NRXN3: variants seen among roughly 807,000 people sequenced by gnomAD.
NRXN3 encodes the protein neurexin 3.
Under a neutral mutation model 137.6 loss-of-function variants are expected in NRXN3, and 32 were observed. The ratio of observed to expected loss-of-function variants is 0.23; its 90% confidence interval spans 0.18 to 0.31. The LOEUF is 0.31. NRXN3 is among the 10% of genes least tolerant of loss of function. NRXN3 has a pLI of 1.00. For missense variants in NRXN3, 1,574 were observed against 2,062.5 expected, an observed-to-expected ratio of 0.76 and a Z score of 4.59; for synonymous variants, 798 against 784.5, an observed-to-expected ratio of 1.02 and a Z score of -0.29.
At chr14:79,102,016 C>G (rs1231097848) in intron 15 of NRXN3, among the ~76,000 whole-genome samples, 1 of 152,058 alleles carries the variant, frequency 6.6e-6, no homozygotes, top group Non-Finnish European at 1.5e-5. Flanking sequence ...GGATCACTGG[C>G]GACATCAGAA....
intron 19 of NRXN3, among the ~76,000 whole-genome samples, chr14:79,778,355 G>A (rs2099103904): frequency 1.3e-5 from 2 of 152,170 alleles, no homozygotes; most frequent in Admixed American, 1.3e-4. Context: ...GGCGGAGGTT[G>A]CAGTGAGCTG....
At chr14:79,636,404 G>C (rs536301827) in intron 16 of NRXN3, among the ~76,000 whole-genome samples, 7 of 152,030 alleles carry the variant, frequency 4.6e-5, no homozygotes, top group African/African-American at 1.7e-4. Flanking sequence ...TTTTGTTTTT[G>C]TTTTTCTTTT....
At chr14:79,236,245 A>T (rs560592427) in intron 15 of NRXN3, among the ~76,000 whole-genome samples, 2 of 152,146 alleles carry the variant, frequency 1.3e-5, no homozygotes, top group Non-Finnish European at 2.9e-5. Context: ...TCACAAACTT[A>T]TACAAGAAAG....
At chr14:79,092,954 G>T (rs1240501326) in intron 15 of NRXN3, among the ~76,000 whole-genome samples, 1 of 152,176 alleles carries the variant, frequency 6.6e-6, no homozygotes, top group Non-Finnish European at 1.5e-5. Flanking sequence ...AGATCCTAGA[G>T]TTGCGGGTTA....
At chr14:78,491,314 G>A (rs2095662827) in intron 4 of NRXN3, among the ~76,000 whole-genome samples, 1 of 152,090 alleles carries the variant, frequency 6.6e-6, no homozygotes, top group Admixed American at 6.6e-5. Context: ...ATGAGATTCT[G>A]GTCAAGTCCT....
intron 15 of NRXN3, among the ~76,000 whole-genome samples, chr14:79,425,156 C>T (rs969383897): frequency 1.3e-5 from 2 of 152,156 alleles, no homozygotes; most frequent in South Asian, 2.1e-4. Context: ...CCCCTATGAT[C>T]GATTGCTATA....
rs543150997 is a variant in NRXN3, at chr14:78,479,918, G to C, written c.758-165202G>C. Among the ~76,000 whole-genome samples, 42 of 152,218 alleles carry C rather than the reference G, an allele frequency of 2.8e-4. 2 individuals are homozygous for C. The South Asian group carries it at 7.9e-3, about 29-fold the overall frequency. On this transcript the variant is annotated intron_variant, in intron 4 of 20. Coordinates refer to ENST00000335750, the MANE Select transcript of NRXN3 (RefSeq NM_001330195.2). ...CCAGCACTTTGGGAGAGCAGGGAGG[G>C]CAAATTACCTGAGGTCAGGAGTTTA... is the stretch of plus-strand genomic sequence containing the variant.
At chr14:78,287,476 C>T (rs2075302772) in intron 3 of NRXN3, among the ~76,000 whole-genome samples, 1 of 152,200 alleles carries the variant, frequency 6.6e-6, no homozygotes, top group South Asian at 2.1e-4. Flanking sequence ...TGGTTAGAAT[C>T]AGCATTTCAA....
intron 3 of NRXN3, among the ~76,000 whole-genome samples, chr14:78,295,748 C>T (rs73310393): frequency 0.01 from 1,543 of 152,008 alleles, 29 homozygotes; most frequent in African/African-American, 0.035. Flanking sequence ...TCCAGGTGGC[C>T]GATGTAGATT....
At chr14:79,364,510 C>T (rs761903412) in intron 15 of NRXN3, among the ~76,000 whole-genome samples, 34 of 152,194 alleles carry the variant, frequency 2.2e-4, no homozygotes, top group Non-Finnish European at 4.1e-4. Context: ...GTCTATCATG[C>T]AAGGATGCAA....
At chr14:78,636,392 A>C (rs1416225341) in intron 4 of NRXN3, among the ~76,000 whole-genome samples, 1 of 152,158 alleles carries the variant, frequency 6.6e-6, no homozygotes, top group Non-Finnish European at 1.5e-5. Context: ...GTAGAAAGAA[A>C]TAGAGTAAAA....
chr14:78,467,054 G>C (rs2095128794), intron 4 of NRXN3, among the ~76,000 whole-genome samples: 2 of 152,076 alleles, frequency 1.3e-5, no homozygotes, highest in South Asian at 4.1e-4. Flanking sequence ...GAGTTGTTCT[G>C]CCTTTCCAGA....
chr14:78,845,922 G>A (rs1378503511), intron 10 of NRXN3, among the ~76,000 whole-genome samples: 1 of 151,572 alleles, frequency 6.6e-6, no homozygotes, highest in Non-Finnish European at 1.5e-5. Flanking sequence ...GTGTGTGTGT[G>A]TGTGTGTGTG....
intron 15 of NRXN3, among the ~76,000 whole-genome samples, chr14:79,448,568 T>C (rs1258257444): frequency 6.6e-6 from 1 of 152,196 alleles, no homozygotes; most frequent in South Asian, 2.1e-4. Flanking sequence ...AGATTATCTT[T>C]AGGCAGAGGA....
intron 10 of NRXN3, among the ~76,000 whole-genome samples, chr14:78,916,149 G>C (rs1181852327): frequency 6.6e-6 from 1 of 151,952 alleles, no homozygotes; most frequent in African/African-American, 2.4e-5. Flanking sequence ...GTCGAAACTG[G>C]GACTGTTTTT....
chr14:78,582,622 G>A (rs1049435256), intron 4 of NRXN3, among the ~76,000 whole-genome samples: 3 of 152,072 alleles, frequency 2.0e-5, no homozygotes, highest in African/African-American at 7.2e-5. Context: ...TTGCCCTTCT[G>A]CCTCTGTCAT....
At chr14:78,295,757 T>G (rs945445258) in intron 3 of NRXN3, among the ~76,000 whole-genome samples, 6 of 152,126 alleles carry the variant, frequency 3.9e-5, no homozygotes, top group Non-Finnish European at 8.8e-5. Flanking sequence ...CCGATGTAGA[T>G]TGTCAGTGAA....
intron 4 of NRXN3, among the ~76,000 whole-genome samples, chr14:78,417,947 GT>G (rs1353389430): frequency 6.6e-6 from 1 of 152,146 alleles, no homozygotes; most frequent in Non-Finnish European, 1.5e-5. Flanking sequence ...AGTAGAGACA[GT>G]GTTTTGCCAC....
chr14:79,505,460 A>G (rs1255046719), intron 16 of NRXN3, among the ~76,000 whole-genome samples: 1 of 152,158 alleles, frequency 6.6e-6, no homozygotes, highest in African/African-American at 2.4e-5. Flanking sequence ...ATAAGTTCAT[A>G]TGGAAGGATT....
Sources: gnomAD v4.1 joint callset for allele counts (sites outside exome capture counted in the v4.1 genomes callset) on GRCh38, gnomAD v4.1.1 for gene constraint, MANE v1.5 for transcripts, NCBI Gene and HGNC (gene_info 2026-07-23, HGNC 2026-07-21) for gene names.